The following JAM3 variants were observed in gnomAD, a reference collection of about 807,000 sequenced individuals.
JAM3 encodes junctional adhesion molecule 3, also known as junctional adhesion molecule C.
In JAM3, 31 loss-of-function variants were observed where a neutral mutation model predicts 39.4. That is an observed-to-expected ratio of 0.79 (90% confidence interval 0.59 to 1.06). The LOEUF (loss-of-function observed/expected upper bound fraction) is 1.06. Among genes scored for constraint, JAM3 ranks in the 50% least tolerant of loss-of-function variants. The pLI is 0.00. For synonymous variants in JAM3, 182 were observed against 148.7 expected, an observed-to-expected ratio of 1.22 and a Z score of -1.63; for missense variants, 455 against 391.4, an observed-to-expected ratio of 1.16 and a Z score of -1.37.
At chr11:134,077,932 G>A (rs774307141) in intron 1 of JAM3, among the ~76,000 whole-genome samples, 2 of 151,942 alleles carry the variant, frequency 1.3e-5, no homozygotes, top group Non-Finnish European at 1.5e-5. Flanking sequence ...GATTACAGGC[G>A]TGAGGCACCG....
At position 134,139,919 on chromosome 11, in the gene JAM3, A is replaced by G. The variant is rs1003968876; in HGVS notation, c.142+3A>G. The stretch of plus-strand genomic sequence containing the variant: ...CCCAGTGGTACAGGAATTTGAAAGT[A>G]AGTACAAACGAAATGCCTAGGATAA... On this transcript the variant is annotated splice_donor_region_variant and intron_variant, in intron 2 of 8. Transcript: ENST00000299106. 8.1e-6 allele frequency: 13 copies of G among 1,610,792 alleles called. No individual in the cohort carries two copies. The highest frequency in any genetic ancestry group is 1.7e-5 in the Admixed American group (1 of 60,000).
intron 1 of JAM3, among the ~76,000 whole-genome samples, chr11:134,113,237 C>G (rs1942352320): frequency 1.3e-5 from 2 of 150,434 alleles, no homozygotes; most frequent in Non-Finnish European, 2.9e-5. Context: ...TACATGTGCA[C>G]AACGTGCAGG....
At chr11:134,140,108 G>A (rs1942947525) in intron 2 of JAM3, among the ~76,000 whole-genome samples, 192 bp downstream of exon 2, 1 of 152,222 alleles carries the variant, frequency 6.6e-6, no homozygotes, top group South Asian at 2.1e-4. Context: ...TTTTCCATCA[G>A]CTGTCATCGC....
At chr11:134,141,462 G>T (rs953142597) in intron 3 of JAM3, among the ~76,000 whole-genome samples, 1 of 152,018 alleles carries the variant, frequency 6.6e-6, no homozygotes, top group Non-Finnish European at 1.5e-5. Flanking sequence ...GGAGAGGGGG[G>T]AGAGGGGCTG....
chr11:134,137,247 C>T (rs1942883696), intron 1 of JAM3, among the ~76,000 whole-genome samples: 1 of 152,120 alleles, frequency 6.6e-6, no homozygotes, highest in African/African-American at 2.4e-5. Flanking sequence ...GTTTACCTTC[C>T]AAGTTTATTA....
chr11:134,111,804 C>T (rs1245150966), intron 1 of JAM3, among the ~76,000 whole-genome samples: 3 of 152,134 alleles, frequency 2.0e-5, no homozygotes, highest in African/African-American at 7.2e-5. Context: ...TAATGCCTCT[C>T]AATTAACAAA....
At chr11:134,114,590 C>G (rs1003671147) in intron 1 of JAM3, among the ~76,000 whole-genome samples, 1 of 152,098 alleles carries the variant, frequency 6.6e-6, no homozygotes, top group Non-Finnish European at 1.5e-5. Flanking sequence ...TTTAATTTCC[C>G]TTTTGATTCT....
intron 1 of JAM3, among the ~76,000 whole-genome samples, chr11:134,079,138 T>C (rs1290958949): frequency 1.3e-5 from 2 of 152,110 alleles, no homozygotes; most frequent in Admixed American, 6.6e-5. Context: ...GTTGTATGCC[T>C]CTCCCTAAGA....
intron 1 of JAM3, among the ~76,000 whole-genome samples, chr11:134,132,434 G>A (rs185531784): frequency 4.6e-5 from 7 of 152,138 alleles, no homozygotes; most frequent in Non-Finnish European, 7.4e-5. Context: ...AGGGAGACCC[G>A]CAGGTTGAAA....
intron 1 of JAM3, among the ~76,000 whole-genome samples, chr11:134,125,456 T>C (rs1942630712): frequency 6.6e-6 from 1 of 152,222 alleles, no homozygotes; most frequent in Non-Finnish European, 1.5e-5. Flanking sequence ...TTGCTTTCTT[T>C]TTTAGTTCTG....
chr11:134,088,482 A>C (rs1050650922), intron 1 of JAM3, among the ~76,000 whole-genome samples: 1 of 152,106 alleles, frequency 6.6e-6, no homozygotes, highest in African/African-American at 2.4e-5. Flanking sequence ...CCAAGTATAG[A>C]AGGTTATATT....
chr11:134,140,755 GACA>G lies in JAM3; in HGVS notation c.246_248del (p.Asn82del). The G allele has an allele frequency of 6.2e-7, 1 of 1,613,334 alleles. No homozygotes were observed. Among genetic ancestry groups the G allele is most frequent in the Non-Finnish European group, 8.5e-7 (1 of 1,179,624 alleles). The stretch of plus-strand genomic sequence containing the variant: ...TGAACAAACCACATATGTGTTTTTT[GACA>G]ACAAAATTCAGGGTATGATCCTGTA... On this transcript the variant is annotated inframe_deletion, in exon 3 of 9. Coordinates refer to ENST00000299106, the MANE Select transcript of JAM3 (RefSeq NM_032801.5).
At chr11:134,076,342 A>G (rs1941569901) in intron 1 of JAM3, among the ~76,000 whole-genome samples, 2 of 151,514 alleles carry the variant, frequency 1.3e-5, no homozygotes, top group Non-Finnish European at 1.5e-5. Flanking sequence ...TTTAGTAGAG[A>G]TGGGGTTTCT....
At chr11:134,146,458 G>T (rs1021436107) in intron 6 of JAM3, among the ~76,000 whole-genome samples, 1 of 152,084 alleles carries the variant, frequency 6.6e-6, no homozygotes, top group Admixed American at 6.5e-5. Context: ...TTAGCCCCTA[G>T]AGTAATGTTA....
chr11:134,104,535 CA>C (rs1005761499), intron 1 of JAM3, among the ~76,000 whole-genome samples: 6 of 151,870 alleles, frequency 4.0e-5, no homozygotes, highest in Non-Finnish European at 8.8e-5. Flanking sequence ...AATAGAGATA[CA>C]AAAAACCCTT....
intron 1 of JAM3, among the ~76,000 whole-genome samples, chr11:134,126,860 T>C (rs1942657597): frequency 6.6e-6 from 1 of 152,236 alleles, no homozygotes; most frequent in African/African-American, 2.4e-5. Flanking sequence ...AATACCTAGT[T>C]CTGGCCTTAA....
At chr11:134,122,468 A>G (rs1168299003) in intron 1 of JAM3, among the ~76,000 whole-genome samples, 1 of 152,226 alleles carries the variant, frequency 6.6e-6, no homozygotes, top group Non-Finnish European at 1.5e-5. Flanking sequence ...CTTCTGGATC[A>G]GTCCACTAAA....
intron 1 of JAM3, among the ~76,000 whole-genome samples, chr11:134,108,936 C>T (rs907727403): frequency 2.6e-5 from 4 of 152,040 alleles, no homozygotes; most frequent in African/African-American, 9.7e-5. Context: ...TGGTAGAAAC[C>T]AGACAAAAAT....
chr11:134,145,248 G>C (rs1031248767), intron 5 of JAM3: 1 of 560,988 alleles, frequency 1.8e-6, no homozygotes, highest in Non-Finnish European at 3.2e-6. Flanking sequence ...AATGTTACTA[G>C]GGCCCTGATC....
Sources: gnomAD v4.1 joint callset for allele counts (sites outside exome capture counted in the v4.1 genomes callset) on GRCh38, gnomAD v4.1.1 for gene constraint, MANE v1.5 for transcripts, NCBI Gene and HGNC (gene_info 2026-07-23, HGNC 2026-07-21) for gene names.